The following EYS variants were observed in gnomAD, a reference collection of about 807,000 sequenced individuals.
The protein encoded by EYS is protein eyes shut homolog.
In EYS, 250 loss-of-function variants were observed where a neutral mutation model predicts 282.1. The ratio of observed to expected loss-of-function variants is 0.89; its 90% confidence interval spans 0.80 to 0.98. The LOEUF (loss-of-function observed/expected upper bound fraction) is 0.98. Ranked by LOEUF, EYS falls within the 50% of genes least tolerant of loss-of-function variation. The pLI is 0.00. For synonymous variants in EYS, 1,355 were observed against 1,282.9 expected, an observed-to-expected ratio of 1.06 and a Z score of -1.20; for missense variants, 4,016 against 3,709.0, an observed-to-expected ratio of 1.08 and a Z score of -2.15.
At chr6:65,201,434 A>T (rs183306940) in intron 12 of EYS, among the ~76,000 whole-genome samples, 1 of 152,300 alleles carries the variant, frequency 6.6e-6, no homozygotes, top group Non-Finnish European at 1.5e-5. Flanking sequence ...AATTAGTTAT[A>T]GTTTTAATAC....
At chr6:63,886,058 CT>C (rs1486621596) in intron 35 of EYS, among the ~76,000 whole-genome samples, 3 of 152,144 alleles carry the variant, frequency 2.0e-5, no homozygotes, top group Non-Finnish European at 4.4e-5. Context: ...ATGTTGGCAT[CT>C]GAGATTTCCT....
Position 63,721,213 on chromosome 6 carries a change from T to TAC in EYS, c.8816_8817dup (p.Thr2940ValfsTer36). 6.4e-7 allele frequency: 1 copy of TAC among 1,551,712 alleles called. No individual in the cohort carries two copies. Among genetic ancestry groups the TAC allele is most frequent in the Non-Finnish European group, 8.7e-7 (1 of 1,146,926 alleles). On this transcript the variant is annotated frameshift_variant, in exon 43 of 43. Coordinates refer to ENST00000503581, the MANE Select transcript of EYS (RefSeq NM_001142800.2). LOFTEE classifies it high-confidence loss of function. ...CAATACCTTCCCACCCAACCCAAAG[T>TAC]ACACAGGCAACTGTAAGAAAATGAT...
At chr6:64,295,525 A>AAG (rs1169766242) in intron 30 of EYS, among the ~76,000 whole-genome samples, 1 of 29,426 alleles carries the variant, frequency 3.4e-5, no homozygotes, top group African/African-American at 2.3e-4. Context: ...AAGAAAGAAG[A>AAG]AAGAAGAAGA....
chr6:65,086,342 G>A, intron 12 of EYS, among the ~76,000 whole-genome samples: 1 of 151,790 alleles, frequency 6.6e-6, no homozygotes, highest in East Asian at 1.9e-4. Context: ...AAAAAAAGAA[G>A]ACTACAGCTT....
intron 26 of EYS, among the ~76,000 whole-genome samples, chr6:64,474,113 A>G (rs1037583997): frequency 2.6e-5 from 4 of 152,036 alleles, no homozygotes; most frequent in African/African-American, 9.7e-5. Flanking sequence ...TAAATATCTT[A>G]TTTCTAACTT....
At chr6:65,699,647 C>G (rs1172752259) in intron 1 of EYS, among the ~76,000 whole-genome samples, 3 of 152,082 alleles carry the variant, frequency 2.0e-5, no homozygotes, top group Non-Finnish European at 4.4e-5. Flanking sequence ...TATCAGCAAA[C>G]AGTCGAGAGA....
intron 33 of EYS, among the ~76,000 whole-genome samples, chr6:64,036,445 A>G (rs987129642): frequency 2.6e-5 from 4 of 152,316 alleles, no homozygotes; most frequent in African/African-American, 9.6e-5. Context: ...GACATTAGTG[A>G]CATTAATCTG....
chr6:64,450,049 G>A (rs1286525580), intron 26 of EYS, among the ~76,000 whole-genome samples: 1 of 151,886 alleles, frequency 6.6e-6, no homozygotes, highest in Non-Finnish European at 1.5e-5. Flanking sequence ...CCAATTAAAA[G>A]GCACAACCTG....
chr6:63,961,501 G>A (rs566703243), intron 35 of EYS, among the ~76,000 whole-genome samples: 1 of 151,048 alleles, frequency 6.6e-6, no homozygotes, highest in South Asian at 2.1e-4. Flanking sequence ...CTATAAAACA[G>A]CCCCACCCTG....
At chr6:63,991,564 A>C (rs1019245253) in intron 34 of EYS, among the ~76,000 whole-genome samples, 3 of 151,608 alleles carry the variant, frequency 2.0e-5, no homozygotes, top group African/African-American at 7.3e-5. Context: ...CCTGAATTTA[A>C]AAATTCATTA....
Position 64,591,768 on chromosome 6 carries a change from A to G in EYS, c.4099T>C (p.Ser1367Pro), listed in dbSNP as rs1285964857. 5 of 1,551,342 alleles carry G rather than the reference A, an allele frequency of 3.2e-6. No homozygotes were observed. Among genetic ancestry groups the G allele is most frequent in the Admixed American group, 2.0e-5 (1 of 50,976 alleles). ...DPAQIVQDKTSVSHMPIRTSA... is the reference protein window; with the variant it reads ...DPAQIVQDKTPVSHMPIRTSA... ...GTTCGAATAGGCATATGTGATACCG[A>G]TGTTTTGTCCTGGACAATTTGTGCT... Residue 1367 changes from serine (S) to proline (P), a missense_variant, in exon 26 of 43, where the codon TCG becomes CCG. By Grantham distance (74) the Ser-to-Pro change is moderately conservative. Transcript: ENST00000503581.
intron 12 of EYS, among the ~76,000 whole-genome samples, chr6:65,125,512 T>G (rs773352961): frequency 6.6e-6 from 1 of 152,206 alleles, no homozygotes; most frequent in Non-Finnish European, 1.5e-5. Context: ...CAGTTCTATT[T>G]CAATGTTACC....
At chr6:65,374,378 C>A (rs143229518) in intron 8 of EYS, among the ~76,000 whole-genome samples, 9 of 152,120 alleles carry the variant, frequency 5.9e-5, no homozygotes, top group Non-Finnish European at 1.5e-5. Context: ...AGATACTACA[C>A]TTTTCCCATG....
chr6:64,188,288 A>G (rs1342285692), intron 31 of EYS, among the ~76,000 whole-genome samples: 1 of 152,106 alleles, frequency 6.6e-6, no homozygotes, highest in Non-Finnish European at 1.5e-5. Flanking sequence ...TTTGCATGGA[A>G]TTCCAGATTT....
chr6:64,954,594 G>A (rs1769627108), intron 14 of EYS, among the ~76,000 whole-genome samples: 1 of 152,076 alleles, frequency 6.6e-6, no homozygotes, highest in Admixed American at 6.6e-5. Flanking sequence ...AGAGCCAAAT[G>A]ACAATAATAA....
intron 12 of EYS, among the ~76,000 whole-genome samples, chr6:65,083,153 A>T (rs1056654204): frequency 1.3e-5 from 2 of 152,038 alleles, no homozygotes; most frequent in African/African-American, 2.4e-5. Context: ...AGCAGGAAAC[A>T]TAATTGCATT....
intron 34 of EYS, among the ~76,000 whole-genome samples, chr6:63,993,223 A>G (rs564386674): frequency 1.3e-5 from 2 of 151,942 alleles, no homozygotes; most frequent in South Asian, 4.2e-4. Context: ...TGAACACCTA[A>G]AGCTTTTCCT....
At chr6:63,898,917 G>A (rs1432086554) in intron 35 of EYS, among the ~76,000 whole-genome samples, 1 of 152,160 alleles carries the variant, frequency 6.6e-6, no homozygotes, top group African/African-American at 2.4e-5. Context: ...AAGAATAAGT[G>A]CAAATTTTGT....
intron 22 of EYS, among the ~76,000 whole-genome samples, chr6:64,724,923 C>T (rs1298133768): frequency 7.1e-6 from 1 of 140,784 alleles, no homozygotes; most frequent in East Asian, 1.9e-4. Context: ...AAAATCTTTT[C>T]TAGTATACCC....
Sources: allele counts gnomAD v4.1 joint callset (sites outside exome capture counted in the v4.1 genomes callset), GRCh38; gene constraint gnomAD v4.1.1; transcripts MANE v1.5; gene names NCBI Gene and HGNC (gene_info 2026-07-23, HGNC 2026-07-21).